Variants in ULK4 observed in about 807,000 individuals in gnomAD.
ULK4 encodes the protein unc-51 like kinase 4, also known as inactive serine/threonine-protein kinase ULK4.
Under a neutral mutation model 160.6 loss-of-function variants are expected in ULK4, and 133 were observed. The observed-to-expected ratio is 0.83, with a 90% CI of 0.72 to 0.96. ULK4 has a LOEUF of 0.96. ULK4 is among the 40% of genes least tolerant of loss of function. The pLI is 0.00. For synonymous variants in ULK4, 534 were observed against 539.8 expected (o/e 0.99, Z 0.15); for missense variants, 1,580 against 1,499.5 (o/e 1.05, Z -0.89).
At chr3:41,433,575 C>T (rs553691349) in intron 34 of ULK4, among the ~76,000 whole-genome samples, 1 of 152,296 alleles carries the variant, frequency 6.6e-6, no homozygotes, top group East Asian at 1.9e-4. Context: ...CCTCCACATA[C>T]ACACACCTAG....
intron 30 of ULK4, among the ~76,000 whole-genome samples, chr3:41,655,291 A>T (rs2034892852): frequency 6.8e-6 from 1 of 148,148 alleles, no homozygotes; most frequent in Non-Finnish European, 1.5e-5. Context: ...AAAACCAAAC[A>T]CCGCACGTTC....
chr3:41,885,468 T>G (rs955927808), intron 16 of ULK4, among the ~76,000 whole-genome samples: 5 of 152,168 alleles, frequency 3.3e-5, no homozygotes, highest in African/African-American at 1.2e-4. Flanking sequence ...TCAGGTTTTC[T>G]CAGGTCACCA....
chr3:41,431,355 AAATAATAATAATAATAATAATAATAAT>A (rs57010705), intron 34 of ULK4, among the ~76,000 whole-genome samples: 1 of 139,124 alleles, frequency 7.2e-6, no homozygotes, highest in Non-Finnish European at 1.5e-5. Flanking sequence ...ACACACACAC[AAATAATAATAATAATAATAATAATAAT>A]AATAATAATA....
At chr3:41,707,533 A>T (rs956368514) in intron 25 of ULK4, among the ~76,000 whole-genome samples, 4 of 152,140 alleles carry the variant, frequency 2.6e-5, no homozygotes, top group Non-Finnish European at 5.9e-5. Flanking sequence ...AAATAACCCA[A>T]TGTTTTCAAA....
chr3:41,738,481 C>T (rs1216536800), intron 22 of ULK4, among the ~76,000 whole-genome samples: 1 of 151,926 alleles, frequency 6.6e-6, no homozygotes, highest in African/African-American at 2.4e-5. Flanking sequence ...AGATCTGGGA[C>T]ATCTTGACAT....
intron 17 of ULK4, among the ~76,000 whole-genome samples, chr3:41,853,774 G>A (rs1018509057): frequency 4.6e-5 from 7 of 152,076 alleles, no homozygotes; most frequent in South Asian, 2.1e-4. Context: ...GGTTCTGGCC[G>A]GTTTACAGAG....
In ULK4 at chr3:41,306,248, C is replaced by T. The variant is rs1465850693; in HGVS notation, c.3679-56674G>A. Reference sequence around the variant, plus strand: ...GGCGTCAGCCCCCCGCCCGGCCAGCCGCCCCGTCCGGGAGGTGAGGGGCGC... The same window carrying T: ...GGCGTCAGCCCCCCGCCCGGCCAGCTGCCCCGTCCGGGAGGTGAGGGGCGC... On this transcript the variant is annotated intron_variant, in intron 35 of 36. Coordinates refer to ENST00000301831, the MANE Select transcript of ULK4 (RefSeq NM_017886.4). Among the ~76,000 whole-genome samples the T allele has an allele frequency of 8.2e-5, 9 of 109,394 alleles. No individual in the cohort carries two copies. In the East Asian group the frequency reaches 1.1e-3, roughly 13 times the overall value. 71.8% of individuals were successfully genotyped at this position (109,394 alleles called of 152,430 possible).
At chr3:41,803,268 ACACTC>A (rs57937527) in intron 19 of ULK4, among the ~76,000 whole-genome samples, 8,696 of 152,096 alleles carry the variant, frequency 0.057, 812 homozygotes, top group African/African-American at 0.19. Flanking sequence ...CATTTATACA[ACACTC>A]CACTCAACAA....
chr3:41,731,013 T>A (rs2037803485), intron 22 of ULK4, among the ~76,000 whole-genome samples: 1 of 152,020 alleles, frequency 6.6e-6, no homozygotes, highest in African/African-American at 2.4e-5. Context: ...AAATTAGGCA[T>A]AGAAGGAATG....
intron 34 of ULK4, among the ~76,000 whole-genome samples, chr3:41,422,636 TAC>T (rs1369525975): frequency 3.3e-5 from 5 of 152,136 alleles, no homozygotes; most frequent in Non-Finnish European, 5.9e-5. Flanking sequence ...AAGTTTGTGA[TAC>T]GTCATTTTTA....
At chr3:41,725,146 T>G (rs1016321322) in intron 22 of ULK4, among the ~76,000 whole-genome samples, 2 of 152,210 alleles carry the variant, frequency 1.3e-5, no homozygotes, top group African/African-American at 4.8e-5. Context: ...CTGACAATGC[T>G]TTTGTGTTCT....
chr3:41,364,383 C>A (rs569022434), intron 35 of ULK4, among the ~76,000 whole-genome samples: 1 of 152,236 alleles, frequency 6.6e-6, no homozygotes, highest in Non-Finnish European at 1.5e-5. Flanking sequence ...TGCCCTCCAC[C>A]AGGCCCTGTG....
chr3:41,536,807 C>T (rs1350496158), intron 32 of ULK4, among the ~76,000 whole-genome samples: 2 of 152,030 alleles, frequency 1.3e-5, no homozygotes, highest in Admixed American at 1.3e-4. Flanking sequence ...GAAGGGCAAA[C>T]AGGAGAGGCA....
intron 34 of ULK4, among the ~76,000 whole-genome samples, chr3:41,450,953 TC>T (rs2083411706): frequency 6.6e-6 from 1 of 152,160 alleles, no homozygotes; most frequent in South Asian, 2.1e-4. Context: ...CTAACTGTGA[TC>T]AAGTTACAAG....
At chr3:41,268,813 CAA>C (rs1176923529) in intron 35 of ULK4, among the ~76,000 whole-genome samples, 4 of 29,084 alleles carry the variant, frequency 1.4e-4, no homozygotes, top group African/African-American at 2.7e-4. Flanking sequence ...CACACACACA[CAA>C]AAAAAAAAAA....
intron 17 of ULK4, among the ~76,000 whole-genome samples, chr3:41,853,364 A>C (rs1449627664): frequency 6.6e-6 from 1 of 152,132 alleles, no homozygotes; most frequent in African/African-American, 2.4e-5. Context: ...ATCCACCCCC[A>C]GAGATATGGA....
At chr3:41,668,000 G>A (rs1032759935) in intron 29 of ULK4, among the ~76,000 whole-genome samples, 2 of 152,136 alleles carry the variant, frequency 1.3e-5, no homozygotes, top group Admixed American at 6.5e-5. Flanking sequence ...ACTGAAACTC[G>A]CTATCTAAAT....
At chr3:41,662,155 A>C (rs1301818352) in intron 30 of ULK4, among the ~76,000 whole-genome samples, 1 of 152,246 alleles carries the variant, frequency 6.6e-6, no homozygotes, top group Non-Finnish European at 1.5e-5. Flanking sequence ...TTTCTTCTTC[A>C]GGAATGGAGA....
At chr3:41,681,871 T>C (rs1409492669) in intron 27 of ULK4, 67 bp from the exon 28 acceptor site, 12 of 1,563,206 alleles carry the variant, frequency 7.7e-6, no homozygotes, top group African/African-American at 2.7e-5. Flanking sequence ...CCACTATCTA[T>C]ATTTTTTCCA....
Sources: gnomAD v4.1 joint callset for allele counts (sites outside exome capture counted in the v4.1 genomes callset) on GRCh38, gnomAD v4.1.1 for gene constraint, MANE v1.5 for transcripts, NCBI Gene and HGNC (gene_info 2026-07-23, HGNC 2026-07-21) for gene names.